Variants in ENPEP observed in about 807,000 individuals in gnomAD.
ENPEP encodes glutamyl aminopeptidase, also known as AP-A.
A neutral mutation model predicts 114.5 loss-of-function variants in ENPEP; 103 were observed. The observed-to-expected ratio is 0.90, with a 90% CI of 0.77 to 1.06. The LOEUF (loss-of-function observed/expected upper bound fraction) is 1.06, where lower values mean the gene tolerates loss of function less well. Among genes scored for constraint, ENPEP ranks in the 50% least tolerant of loss-of-function variants. The pLI, the probability that ENPEP is intolerant of heterozygous loss-of-function variation, is 0.00. For synonymous variants in ENPEP, 420 were observed against 422.0 expected, an observed-to-expected ratio of 1.00 and a Z score of 0.06; for missense variants, 1,196 against 1,161.3, an observed-to-expected ratio of 1.03 and a Z score of -0.43.
At chr4:110,551,525 G>A (rs1048232317) in intron 17 of ENPEP, among the ~76,000 whole-genome samples, 3 of 152,116 alleles carry the variant, frequency 2.0e-5, no homozygotes, top group South Asian at 2.1e-4. Flanking sequence ...TGCAGTACGA[G>A]CTTCCTTGGA....
intron 11 of ENPEP, among the ~76,000 whole-genome samples, chr4:110,534,276 C>T (rs1200423058): frequency 6.6e-6 from 1 of 152,046 alleles, no homozygotes; most frequent in East Asian, 1.9e-4. Context: ...GGCGTTAAAA[C>T]AACAACTAAA....
chr4:110,495,868 A>G (rs572340851), intron 3 of ENPEP, among the ~76,000 whole-genome samples: 1 of 152,326 alleles, frequency 6.6e-6, no homozygotes, highest in Admixed American at 6.5e-5. Flanking sequence ...AAAACAAGAA[A>G]TTACCTTGTT....
At chr4:110,529,607 A>G (rs906201735) in intron 10 of ENPEP, among the ~76,000 whole-genome samples, 2 of 152,196 alleles carry the variant, frequency 1.3e-5, no homozygotes, top group Admixed American at 6.5e-5. Context: ...TGGATGGGGC[A>G]GGAAGCATTC....
chr4:110,495,087 C>CA (rs1724875211), intron 3 of ENPEP, among the ~76,000 whole-genome samples: 1 of 152,074 alleles, frequency 6.6e-6, no homozygotes, highest in South Asian at 2.1e-4. Flanking sequence ...CAGGAGTCAT[C>CA]AGAGAGGAAA....
At chr4:110,553,698 T>C (rs1378134264) in intron 18 of ENPEP, among the ~76,000 whole-genome samples, 1 of 152,052 alleles carries the variant, frequency 6.6e-6, no homozygotes, top group East Asian at 1.9e-4. Context: ...GAAGACTAAA[T>C]TGCATTATTT....
chr4:110,557,313 TATC>T (rs1162578547), intron 18 of ENPEP, among the ~76,000 whole-genome samples: 1 of 152,054 alleles, frequency 6.6e-6, no homozygotes, highest in Non-Finnish European at 1.5e-5. Context: ...GTGAAGAAAA[TATC>T]ATCGGAAATA....
At chr4:110,478,123 C>CT in intron 1 of ENPEP, among the ~76,000 whole-genome samples, 1 of 152,246 alleles carries the variant, frequency 6.6e-6, no homozygotes, top group South Asian at 2.1e-4. Context: ...ACAAATATCC[C>CT]TTTTTTTCTG....
At chr4:110,533,009 C>A in intron 11 of ENPEP, 1 of 410,126 alleles carries the variant, frequency 2.4e-6, no homozygotes, top group Non-Finnish European at 4.9e-6. Context: ...ATAATAAGAA[C>A]GTTAGAATTC....
intron 10 of ENPEP, among the ~76,000 whole-genome samples, chr4:110,529,694 A>G (rs1029187068): frequency 1.3e-5 from 2 of 152,194 alleles, no homozygotes; most frequent in Non-Finnish European, 2.9e-5. Context: ...TTCCTTGCTC[A>G]GGTAGCTGGA....
At chr4:110,529,660 G>A (rs1193813711) in intron 10 of ENPEP, among the ~76,000 whole-genome samples, 3 of 152,288 alleles carry the variant, frequency 2.0e-5, no homozygotes, top group Non-Finnish European at 2.9e-5. Context: ...CCAGAAGGAC[G>A]TAAATTCCCA....
chr4:110,527,978 C>T lies in ENPEP; in HGVS notation c.1728-3220C>T, dbSNP rs1290416766. Among the ~76,000 whole-genome samples the T allele has an allele frequency of 2.0e-5, 3 of 152,032 alleles. No individual in the cohort carries two copies. The East Asian group carries it at 5.8e-4, about 29-fold the overall frequency. ...TCACACAAACCAAACAATTTTACTG[C>T]CAAGTGAACTAAATATATCATCACG... On this transcript the variant is annotated intron_variant, in intron 10 of 19. Coordinates refer to ENST00000265162, the MANE Select transcript of ENPEP (RefSeq NM_001977.4).
intron 10 of ENPEP, among the ~76,000 whole-genome samples, chr4:110,527,235 A>G (rs1726230342): frequency 6.6e-6 from 1 of 152,202 alleles, no homozygotes; most frequent in Non-Finnish European, 1.5e-5. Flanking sequence ...TGACACCTGA[A>G]CTGGAGAAGC....
rs759140348 is a variant in ENPEP at position 110,509,811 on chromosome 4, C to A, written c.1194+4C>A. Reference sequence around the variant, plus strand: ...TGCCCATGAACTTGTGCATCAGGTACAGAATCTTAGCACTGAATCAGCTTG... The same window carrying A: ...TGCCCATGAACTTGTGCATCAGGTAAAGAATCTTAGCACTGAATCAGCTTG... On this transcript the variant is annotated splice_donor_region_variant and intron_variant, in intron 5 of 19. Coordinates refer to ENST00000265162, the MANE Select transcript of ENPEP (RefSeq NM_001977.4). The A allele has an allele frequency of 3.1e-6, 5 of 1,611,894 alleles. No individual in the cohort carries two copies. Among genetic ancestry groups the A allele is most frequent in the Middle Eastern group, 1.7e-4 (1 of 6,056 alleles).
At position 110,510,302 on chromosome 4, in the gene ENPEP, T is replaced by C. The variant is rs1204494491; in HGVS notation, c.1252T>C (p.Phe418Leu). 1.9e-6 allele frequency: 3 copies of C among 1,614,018 alleles called. No homozygotes were observed. The change falls in exon 6 of 20, where the codon TTT (phenylalanine) becomes CTT (leucine). Residue 418 changes from phenylalanine to leucine, a missense_variant. Physicochemically the swap from Phe to Leu is conservative, Grantham distance 22. Coordinates refer to ENST00000265162, the MANE Select transcript of ENPEP (RefSeq NM_001977.4). ...WWEDLWLNEG[F>L]ASFFEFLGVN... Reference sequence around the variant, plus strand: ...GGAAGACTTGTGGCTAAATGAAGGATTTGCTTCTTTCTTTGAGTTTCTGGG... The same window carrying C: ...GGAAGACTTGTGGCTAAATGAAGGACTTGCTTCTTTCTTTGAGTTTCTGGG...
intron 8 of ENPEP, among the ~76,000 whole-genome samples, chr4:110,519,665 G>T (rs1725908388): frequency 4.6e-5 from 7 of 151,096 alleles, no homozygotes; most frequent in Admixed American, 3.3e-4. Flanking sequence ...TATTCAAAAG[G>T]TTGTATATTT....
chr4:110,556,551 C>T (rs1015926115), intron 18 of ENPEP, among the ~76,000 whole-genome samples: 6 of 151,684 alleles, frequency 4.0e-5, no homozygotes, highest in Non-Finnish European at 7.4e-5. Context: ...TACAACTATA[C>T]GTAGTGTATT....
intron 10 of ENPEP, among the ~76,000 whole-genome samples, chr4:110,523,887 G>A (rs1209881244): frequency 6.6e-6 from 1 of 152,036 alleles, no homozygotes; most frequent in Non-Finnish European, 1.5e-5. Flanking sequence ...AGTATTACGT[G>A]GAAATGAGCA....
chr4:110,558,293 T>A (rs1023615869), intron 18 of ENPEP, among the ~76,000 whole-genome samples: 6 of 144,796 alleles, frequency 4.1e-5, no homozygotes, highest in Middle Eastern at 3.6e-3. Flanking sequence ...TATATATATA[T>A]AAATTTTTTT....
Position 110,476,194 on chromosome 4 carries a change from C to A in ENPEP, c.-221C>A. On this transcript the variant is annotated 5_prime_UTR_variant, in exon 1 of 20. Coordinates refer to ENST00000265162, the MANE Select transcript of ENPEP (RefSeq NM_001977.4). The stretch of plus-strand genomic sequence containing the variant: ...TCCCACTCGGCTCCTCTTACGGAGT[C>A]CTCATTCCACCCCCCTTGTTTCCGC... The A allele has an allele frequency of 1.9e-6, 1 of 527,556 alleles. No homozygotes were observed. Among genetic ancestry groups the A allele is most frequent in the Non-Finnish European group, 3.2e-6 (1 of 307,704 alleles). 32.7% of individuals were successfully genotyped at this position (527,556 alleles called of 1,614,324 possible). A position where few individuals can be genotyped will look rare whatever the true frequency, so the allele number is the denominator to read the frequency against.
Sources: gnomAD v4.1 joint callset for allele counts (sites outside exome capture counted in the v4.1 genomes callset) on GRCh38, gnomAD v4.1.1 for gene constraint, MANE v1.5 for transcripts, NCBI Gene and HGNC (gene_info 2026-07-23, HGNC 2026-07-21) for gene names.